The following PSORS1C1 variants were observed in gnomAD, a reference collection of about 807,000 sequenced individuals.
PSORS1C1 encodes psoriasis susceptibility 1 candidate gene 1 protein.
PSORS1C1 carries 7 observed loss-of-function variants against 9.4 expected under a neutral mutation model. The observed-to-expected ratio is 0.75, with a 90% CI of 0.42 to 1.40. The LOEUF (loss-of-function observed/expected upper bound fraction) is 1.40. Among genes scored for constraint, PSORS1C1 ranks in the 40% most tolerant of loss-of-function variants. The pLI is 0.01. For missense variants in PSORS1C1, 146 were observed against 178.1 expected, an observed-to-expected ratio of 0.82 and a Z score of 1.02; for synonymous variants, 63 against 69.4, an observed-to-expected ratio of 0.91 and a Z score of 0.46.
rs374153379 is a variant in PSORS1C1 at position 31,138,315 on chromosome 6, G to T, written c.14-115G>T. On this transcript the variant is annotated intron_variant, in intron 3 of 5. Coordinates refer to ENST00000259881, the MANE Select transcript of PSORS1C1 (RefSeq NM_014068.3). ...CTCGCTGCCTGAGATGCCTGTAAAGGAGGAAGGAGAAAGGTAAGAGGTGGT... is the reference window on the plus strand; with the variant it reads ...CTCGCTGCCTGAGATGCCTGTAAAGTAGGAAGGAGAAAGGTAAGAGGTGGT... 82 of 1,605,134 alleles carry T rather than the reference G, an allele frequency of 5.1e-5. No individual in the cohort carries two copies. Among genetic ancestry groups the T allele is most frequent in the Middle Eastern group, 1.7e-4 (1 of 6,046 alleles).
chr6:31,115,242 G>T lies in PSORS1C1; in HGVS notation c.-229+351G>T. ...CACCCAGACTCTCAGAGGAGACCCA[G>T]GACTCCAAGAAGGCAAAAAGTCTGC... On this transcript the variant is annotated intron_variant, in intron 1 of 5. Coordinates refer to ENST00000259881, the MANE Select transcript of PSORS1C1 (RefSeq NM_014068.3). This position sits in a 1 kb window ranked among gnomAD's most constrained non-coding sequence, Gnocchi z 4.2. 1 of 248,654 alleles carries T rather than the reference G, an allele frequency of 4.0e-6. No individual in the cohort carries two copies. Among genetic ancestry groups the T allele is most frequent in the African/African-American group, 2.3e-5 (1 of 44,104 alleles). 15.4% of individuals were successfully genotyped at this position (248,654 alleles called of 1,614,324 possible).
At chr6:31,116,861 G>A (rs967539953) in intron 1 of PSORS1C1, 26 of 1,613,902 alleles carry the variant, frequency 1.6e-5, no homozygotes, top group Non-Finnish European at 1.9e-5. Context: ...ACCACCACAG[G>A]CCTCTGACCC....
chr6:31,123,606 C>G (rs995528982), intron 1 of PSORS1C1, among the ~76,000 whole-genome samples: 3 of 152,184 alleles, frequency 2.0e-5, no homozygotes, highest in Non-Finnish European at 2.9e-5. Context: ...ACTCTACACC[C>G]GAGAAAATCA....
At chr6:31,116,069 G>A in intron 1 of PSORS1C1, 1 of 1,612,050 alleles carries the variant, frequency 6.2e-7, no homozygotes, top group Non-Finnish European at 8.5e-7. Context: ...AAAACTTCAG[G>A]GTCAGCTAGC....
intron 1 of PSORS1C1, among the ~76,000 whole-genome samples, chr6:31,124,210 G>A (rs1562761353): frequency 1.3e-5 from 2 of 152,148 alleles, no homozygotes; most frequent in South Asian, 2.1e-4. Context: ...GAAGCATGGC[G>A]TGCTATAGTC....
intron 3 of PSORS1C1, among the ~76,000 whole-genome samples, chr6:31,136,113 G>A (rs532782862): frequency 3.3e-5 from 5 of 152,026 alleles, no homozygotes; most frequent in African/African-American, 9.6e-5. Context: ...TTGGCCAGGC[G>A]TGGTGGTTTA....
intron 1 of PSORS1C1, chr6:31,116,416 C>A (rs1348452339): frequency 2.5e-6 from 4 of 1,593,226 alleles, no homozygotes; most frequent in Non-Finnish European, 3.4e-6. Flanking sequence ...GCTAGAACTG[C>A]TGGGGACTCG....
chr6:31,130,557 G>A (rs985094102), intron 3 of PSORS1C1, among the ~76,000 whole-genome samples: 4 of 151,722 alleles, frequency 2.6e-5, no homozygotes, highest in African/African-American at 7.3e-5. Context: ...GACTACAGGC[G>A]CCCGCCACCA....
At chr6:31,125,298 C>CCT (rs539489291) in intron 1 of PSORS1C1, among the ~76,000 whole-genome samples, 4 of 152,120 alleles carry the variant, frequency 2.6e-5, no homozygotes, top group Admixed American at 1.3e-4. Flanking sequence ...CGTTTCCTCT[C>CCT]CTCTCTCTTT....
chr6:31,132,437 G>A (rs1183097882), intron 3 of PSORS1C1, among the ~76,000 whole-genome samples: 2 of 126,594 alleles, frequency 1.6e-5, no homozygotes, highest in Non-Finnish European at 3.6e-5. Flanking sequence ...CAGGAGAATC[G>A]CTTGAACTCA....
At chr6:31,127,011 T>G (rs933662447) in intron 2 of PSORS1C1, among the ~76,000 whole-genome samples, 3 of 152,218 alleles carry the variant, frequency 2.0e-5, no homozygotes, top group Non-Finnish European at 2.9e-5. Context: ...AGAGCTCTCC[T>G]TGTCTGCTCA....
In PSORS1C1 at chr6:31,128,250, G is replaced by A. The variant is rs1163797688; in HGVS notation, c.-64-1319G>A. On this transcript the variant is annotated intron_variant, in intron 2 of 5. Coordinates refer to ENST00000259881, the MANE Select transcript of PSORS1C1 (RefSeq NM_014068.3). This position sits in a 1 kb window ranked among gnomAD's most constrained non-coding sequence, Gnocchi z 4.3. ...GACATTAGTGAGGGAAAGAGCAAAG[G>A]CTCTGGAGGAAAACACCTGAGAGGA... is the stretch of plus-strand genomic sequence containing the variant. Among the ~76,000 whole-genome samples, 1 of 152,016 alleles carries A rather than the reference G, an allele frequency of 6.6e-6. No homozygotes were observed. Among genetic ancestry groups the A allele is most frequent in the African/African-American group, 2.4e-5 (1 of 41,386 alleles).
chr6:31,121,823 G>C (rs1000602109), intron 1 of PSORS1C1, among the ~76,000 whole-genome samples: 2 of 152,214 alleles, frequency 1.3e-5, no homozygotes, highest in Non-Finnish European at 2.9e-5. Context: ...TGTCCGATAC[G>C]GTAGCCACTG....
At position 31,139,951 on chromosome 6, in the gene PSORS1C1, T is replaced by C; in HGVS notation, c.*19T>C. On this transcript the variant is annotated 3_prime_UTR_variant, in exon 6 of 6. Transcript: ENST00000259881. This position sits in a 1 kb window ranked among gnomAD's most constrained non-coding sequence, Gnocchi z 5.2. ...GATCTAAGCCTCCCAGAGAGACCCC[T>C]AGAACGTTTCCCTCAAGGACCTTTC... The C allele has an allele frequency of 3.1e-6, 5 of 1,593,014 alleles. No homozygotes were observed. Among genetic ancestry groups the C allele is most frequent in the Non-Finnish European group, 4.3e-6 (5 of 1,163,536 alleles).
At chr6:31,133,729 G>A (rs570568515) in intron 3 of PSORS1C1, 2 of 152,268 alleles carry the variant, frequency 1.3e-5, no homozygotes, top group East Asian at 1.9e-4. Flanking sequence ...TGTAAATTCT[G>A]TCTCTCTCAA....
rs761407729 is a variant in PSORS1C1 at position 31,138,156 on chromosome 6, G to A, written c.14-274G>A. On this transcript the variant is annotated intron_variant, in intron 3 of 5. Coordinates refer to ENST00000259881, the MANE Select transcript of PSORS1C1 (RefSeq NM_014068.3). ...AGGCAGGTCTCTCCAGGGACGACTG[G>A]GGCGGGTAGGCGGAGGATCTTCAAA... 1.9e-6 allele frequency: 3 copies of A among 1,602,580 alleles called. No homozygotes were observed. Among genetic ancestry groups the A allele is most frequent in the Admixed American group, 1.7e-5 (1 of 58,114 alleles).
At chr6:31,136,395 A>T (rs1773138645) in intron 3 of PSORS1C1, among the ~76,000 whole-genome samples, 1 of 151,660 alleles carries the variant, frequency 6.6e-6, no homozygotes, top group African/African-American at 2.4e-5. Context: ...CGTCTCAAAA[A>T]AAAAAAAAAA....
Position 31,139,559 on chromosome 6 carries a change from C to T in PSORS1C1, c.168-82C>T, listed in dbSNP as rs1482031266. Reference sequence around the variant, plus strand: ...CACTCACCCCCGCACTGAAAGCTCCCCCTGGGGCTTCGTGCTTTCCTGGGC... The same window carrying T: ...CACTCACCCCCGCACTGAAAGCTCCTCCTGGGGCTTCGTGCTTTCCTGGGC... On this transcript the variant is annotated intron_variant, in intron 5 of 5. Coordinates refer to ENST00000259881, the MANE Select transcript of PSORS1C1 (RefSeq NM_014068.3). The surrounding 1 kb of genome is among the most constrained non-coding windows in gnomAD (Gnocchi z 5.2). 12 of 1,424,764 alleles carry T rather than the reference C, an allele frequency of 8.4e-6. No homozygotes were observed. The African/African-American group carries it at 1.4e-4, about 17-fold the overall frequency. 88.3% of individuals were successfully genotyped at this position (1,424,764 alleles called of 1,614,324 possible). A position where few individuals can be genotyped will look rare whatever the true frequency, so the allele number is the denominator to read the frequency against.
chr6:31,139,114 G>A lies in PSORS1C1; in HGVS notation c.167+335G>A. ...GCTTTATAGGGGAGGAGTGGAGGAG[G>A]GACCAGCCCAGTGGCACAGGAATAC... is the stretch of plus-strand genomic sequence containing the variant. On this transcript the variant is annotated intron_variant, in intron 5 of 5. Coordinates refer to ENST00000259881, the MANE Select transcript of PSORS1C1 (RefSeq NM_014068.3). The surrounding 1 kb of genome is among the most constrained non-coding windows in gnomAD (Gnocchi z 5.2). The A allele has an allele frequency of 8.9e-7, 1 of 1,124,172 alleles. No homozygotes were observed. The highest frequency in any genetic ancestry group is 1.3e-6 in the Non-Finnish European group (1 of 744,954). The allele number at this position is 1,124,172 out of a possible 1,614,324, so 69.6% of individuals were successfully genotyped here.
Sources: allele counts gnomAD v4.1 joint callset (sites outside exome capture counted in the v4.1 genomes callset), GRCh38; gene constraint gnomAD v4.1.1; non-coding constraint Gnocchi (gnomAD v3.1); transcripts MANE v1.5; gene names NCBI Gene and HGNC (gene_info 2026-07-23, HGNC 2026-07-21).